LRP1B: variants seen among roughly 807,000 people sequenced by gnomAD.
LRP1B encodes the protein LDL receptor related protein 1B.
A neutral mutation model predicts 556.6 loss-of-function variants in LRP1B; 217 were observed. The observed-to-expected ratio is 0.39, with a 90% CI of 0.35 to 0.44. The LOEUF (loss-of-function observed/expected upper bound fraction) is 0.44, where lower values mean the gene tolerates loss of function less well. Ranked by LOEUF, LRP1B falls within the 20% of genes least tolerant of loss-of-function variation. LRP1B has a pLI of 1.00. For synonymous variants in LRP1B, 2,047 were observed against 1,865.8 expected, an observed-to-expected ratio of 1.10 and a Z score of -2.50; for missense variants, 5,053 against 5,620.8, an observed-to-expected ratio of 0.90 and a Z score of 3.23.
At chr2:141,550,513 AG>A (rs1339453896) in intron 2 of LRP1B, among the ~76,000 whole-genome samples, 2 of 152,206 alleles carry the variant, frequency 1.3e-5, no homozygotes, top group African/African-American at 2.4e-5. Flanking sequence ...CTTCTCAAAA[AG>A]TACTATAACG....
intron 8 of LRP1B, 80 bp downstream of exon 8, chr2:141,061,971 A>G: frequency 8.8e-7 from 1 of 1,138,472 alleles, no homozygotes; most frequent in South Asian, 1.3e-5. Context: ...CTTTACAAGA[A>G]ATTTTCAGTA....
At chr2:141,699,637 T>G (rs1691865054) in intron 2 of LRP1B, among the ~76,000 whole-genome samples, 1 of 151,604 alleles carries the variant, frequency 6.6e-6, no homozygotes, top group Admixed American at 6.6e-5. Flanking sequence ...TGCTTCTGTA[T>G]GGTGGCATAG....
At chr2:141,757,959 T>C (rs1384003190) in intron 2 of LRP1B, among the ~76,000 whole-genome samples, 1 of 152,156 alleles carries the variant, frequency 6.6e-6, no homozygotes, top group Non-Finnish European at 1.5e-5. Flanking sequence ...AAAAACTTAA[T>C]AGGAAAAATT....
At position 141,015,679 on chromosome 2, in the gene LRP1B, C is replaced by A. The variant is rs1282665372; in HGVS notation, c.2190+17G>T. 1.9e-6 allele frequency: 3 copies of A among 1,577,476 alleles called. No homozygotes were observed. Among genetic ancestry groups the A allele is most frequent in the Non-Finnish European group, 2.6e-6 (3 of 1,148,542 alleles). ...AAAGAAGCCTGTGGGTTAAAAACAG[C>A]AGCATTTGTCTTTTACCTTCCTGTG... is the stretch of plus-strand genomic sequence containing the variant. On this transcript the variant is annotated intron_variant, in intron 13 of 90. Coordinates refer to ENST00000389484, the MANE Select transcript of LRP1B (RefSeq NM_018557.3).
intron 35 of LRP1B, among the ~76,000 whole-genome samples, chr2:140,767,375 C>A (rs1440692598): frequency 6.6e-6 from 1 of 151,956 alleles, no homozygotes; most frequent in East Asian, 1.9e-4. Context: ...CAGGTAACTT[C>A]TCCTTAGGAA....
intron 22 of LRP1B, among the ~76,000 whole-genome samples, chr2:140,903,707 G>T (rs961084365): frequency 3.3e-5 from 5 of 151,540 alleles, no homozygotes; most frequent in African/African-American, 1.2e-4. Context: ...TTTACCAGCT[G>T]TAGGCATTTA....
chr2:141,652,823 T>C (rs1353893067), intron 2 of LRP1B, among the ~76,000 whole-genome samples: 4 of 152,176 alleles, frequency 2.6e-5, no homozygotes, highest in Non-Finnish European at 5.9e-5. Context: ...CCTTCTAATC[T>C]GTAATGAAAT....
intron 35 of LRP1B, among the ~76,000 whole-genome samples, chr2:140,723,354 ATCT>A (rs1316160976): frequency 3.9e-5 from 6 of 152,148 alleles, no homozygotes; most frequent in Non-Finnish European, 7.4e-5. Flanking sequence ...TCCCTAGTTC[ATCT>A]TCTTCTTATT....
Position 141,602,566 on chromosome 2 carries a change from A to G in LRP1B, c.206-122033T>C, listed in dbSNP as rs145389625. On this transcript the variant is annotated intron_variant, in intron 2 of 90. Coordinates refer to ENST00000389484, the MANE Select transcript of LRP1B (RefSeq NM_018557.3). ...CTAAGTTCCTGAAATCTGTTTCTTC[A>G]TCTCTTTTAAAGCAGCTGTTCTCAA... Among the ~76,000 whole-genome samples, 170 of 152,274 alleles carry G rather than the reference A, an allele frequency of 1.1e-3. 3 individuals are homozygous for G. The East Asian group carries it at 0.023, about 20-fold the overall frequency.
intron 84 of LRP1B, among the ~76,000 whole-genome samples, chr2:140,288,763 A>C (rs905499498): frequency 6.6e-6 from 1 of 151,808 alleles, no homozygotes; most frequent in Non-Finnish European, 1.5e-5. Context: ...CCCAACAGAT[A>C]TTTAAATACA....
At chr2:140,502,497 A>T (rs1689241536) in intron 54 of LRP1B, among the ~76,000 whole-genome samples, 1 of 152,028 alleles carries the variant, frequency 6.6e-6, no homozygotes, top group Admixed American at 6.6e-5. Context: ...ATGTGATTAT[A>T]TATTTAGCAT....
chr2:142,105,930 T>C (rs1322258008), intron 1 of LRP1B, among the ~76,000 whole-genome samples: 1 of 152,166 alleles, frequency 6.6e-6, no homozygotes, highest in African/African-American at 2.4e-5. Flanking sequence ...CTTAGGTTTA[T>C]AAACAATGAA....
intron 1 of LRP1B, among the ~76,000 whole-genome samples, chr2:142,028,563 C>T (rs1703582999): frequency 6.6e-6 from 1 of 151,940 alleles, no homozygotes; most frequent in African/African-American, 2.4e-5. Context: ...GTTCATTTAT[C>T]TGTTGATCAG....
chr2:140,280,648 G>A (rs1322837016), intron 84 of LRP1B, among the ~76,000 whole-genome samples: 1 of 151,696 alleles, frequency 6.6e-6, no homozygotes, highest in Admixed American at 6.6e-5. Flanking sequence ...AAAGCAAGAA[G>A]AAAAAAGGAC....
At chr2:140,768,877 C>A (rs1689204685) in intron 35 of LRP1B, among the ~76,000 whole-genome samples, 3 of 151,644 alleles carry the variant, frequency 2.0e-5, no homozygotes, top group Non-Finnish European at 4.4e-5. Context: ...TATAATAGAT[C>A]AAAATGCTTT....
intron 1 of LRP1B, among the ~76,000 whole-genome samples, chr2:142,032,065 GC>G (rs1703730884): frequency 6.6e-6 from 1 of 151,764 alleles, no homozygotes; most frequent in African/African-American, 2.4e-5. Flanking sequence ...TCAACTTCTA[GC>G]CTCCAGAACC....
chr2:141,810,158 AAAGAAAGAAGG>A (rs1696307525), intron 2 of LRP1B, 110 bp downstream of exon 2: 1 of 437,464 alleles, frequency 2.3e-6, no homozygotes, highest in Non-Finnish European at 3.1e-6. Flanking sequence ...AGAAAGAAAG[AAAGAAAGAAGG>A]AAAGAAAGAA....
At chr2:141,502,905 G>T (rs1049374968) in intron 2 of LRP1B, among the ~76,000 whole-genome samples, 18 of 150,304 alleles carry the variant, frequency 1.2e-4, no homozygotes, top group Non-Finnish European at 2.2e-4. Context: ...AAGACAGCTA[G>T]GATATATAAG....
At chr2:141,161,807 C>T (rs1680045486) in intron 7 of LRP1B, among the ~76,000 whole-genome samples, 4 of 152,042 alleles carry the variant, frequency 2.6e-5, no homozygotes. Context: ...GACACAAGCT[C>T]ACTATATGCA....
Sources: gnomAD v4.1 joint callset for allele counts (sites outside exome capture counted in the v4.1 genomes callset) on GRCh38, gnomAD v4.1.1 for gene constraint, MANE v1.5 for transcripts, NCBI Gene and HGNC (gene_info 2026-07-23, HGNC 2026-07-21) for gene names.